The following MTFR1 variants were observed in gnomAD, a reference collection of about 807,000 sequenced individuals.
The protein encoded by MTFR1 is chondrocyte protein with a poly-proline region.
A neutral mutation model predicts 38.8 loss-of-function variants in MTFR1; 28 were observed. That is an observed-to-expected ratio of 0.72 (90% CI 0.53 to 0.99). MTFR1 has a LOEUF of 0.99. Ranked by LOEUF, MTFR1 falls within the 50% of genes least tolerant of loss-of-function variation. The pLI is 0.00. For synonymous variants in MTFR1, 145 were observed against 137.0 expected (o/e 1.06, Z -0.41); for missense variants, 358 against 395.5 (o/e 0.91, Z 0.81).
At chr8:65,694,732 A>G (rs1805382836) in intron 4 of MTFR1, among the ~76,000 whole-genome samples, 1 of 152,266 alleles carries the variant, frequency 6.6e-6, no homozygotes, top group African/African-American at 2.4e-5. Flanking sequence ...AAGTAATTAC[A>G]GATGGTCACT....
At chr8:65,691,983 G>T (rs1217011644) in intron 3 of MTFR1, among the ~76,000 whole-genome samples, 4 of 152,136 alleles carry the variant, frequency 2.6e-5, no homozygotes, top group African/African-American at 4.8e-5. Flanking sequence ...TATATTTTGT[G>T]TTTAAGGAAG....
chr8:65,651,812 C>A (rs558005250), intron 1 of MTFR1, among the ~76,000 whole-genome samples: 1 of 152,096 alleles, frequency 6.6e-6, no homozygotes, highest in East Asian at 1.9e-4. Flanking sequence ...TTTTCTATTT[C>A]TGTGAAGAAT....
the MTFR1 span, among the ~76,000 whole-genome samples, chr8:65,776,689 T>G: frequency 6.6e-6 from 1 of 152,340 alleles, no homozygotes; most frequent in East Asian, 1.9e-4. Context: ...TTATGTTAAT[T>G]TTGTCACTGT....
chr8:65,698,376 G>A (rs1805508441), intron 4 of MTFR1, among the ~76,000 whole-genome samples: 1 of 151,922 alleles, frequency 6.6e-6, no homozygotes, highest in South Asian at 2.1e-4. Context: ...CTGAGCTTAA[G>A]CGATCCGCCC....
intron 3 of MTFR1, among the ~76,000 whole-genome samples, chr8:65,688,565 C>T (rs1230685167): frequency 2.7e-5 from 4 of 149,930 alleles, no homozygotes; most frequent in Non-Finnish European, 5.9e-5. Context: ...TCTCCTGCCT[C>T]AGCCTCCTGA....
At chr8:65,681,508 T>C (rs1252388526) in intron 2 of MTFR1, among the ~76,000 whole-genome samples, 1 of 152,228 alleles carries the variant, frequency 6.6e-6, no homozygotes, top group Non-Finnish European at 1.5e-5. Context: ...TTTAATAGCA[T>C]ACTACCTTTC....
chr8:65,734,748 G>C (rs778819449), intron 3 of MTFR1: 1 of 1,068,214 alleles, frequency 9.4e-7, no homozygotes, highest in African/African-American at 1.6e-5. Flanking sequence ...TAAATCAAAA[G>C]GAATTTTCTT....
chr8:65,764,200 G>A (rs1358286857), intron 3 of MTFR1, among the ~76,000 whole-genome samples: 1 of 151,910 alleles, frequency 6.6e-6, no homozygotes, highest in Non-Finnish European at 1.5e-5. Flanking sequence ...AGGGACATGG[G>A]ATTATTGTTT....
chr8:65,683,638 G>A (rs1804976198), intron 3 of MTFR1, among the ~76,000 whole-genome samples: 1 of 152,128 alleles, frequency 6.6e-6, no homozygotes, highest in Admixed American at 6.5e-5. Context: ...AAATTCAGAA[G>A]TGCCCATGTG....
chr8:65,760,275 G>A (rs2128913837), intron 3 of MTFR1, among the ~76,000 whole-genome samples: 1 of 152,244 alleles, frequency 6.6e-6, no homozygotes, highest in South Asian at 2.1e-4. Flanking sequence ...ATCTTTTCAT[G>A]CCAATAAATA....
chr8:65,705,335 AAAAC>A (rs953856142), intron 5 of MTFR1, among the ~76,000 whole-genome samples: 5 of 152,094 alleles, frequency 3.3e-5, no homozygotes, highest in African/African-American at 1.2e-4. Context: ...AACTAAACAA[AAAAC>A]AAACAAAAAA....
intron 3 of MTFR1, among the ~76,000 whole-genome samples, chr8:65,692,892 CTTTT>C (rs569732080): frequency 1.5e-5 from 2 of 133,152 alleles, no homozygotes; most frequent in Admixed American, 7.6e-5. Flanking sequence ...TTTGCTTGTT[CTTTT>C]TTTTTTTTTT....
chr8:65,664,968 C>T (rs1313030534), intron 1 of MTFR1, among the ~76,000 whole-genome samples: 7 of 136,842 alleles, frequency 5.1e-5, no homozygotes, highest in Non-Finnish European at 7.6e-5. Flanking sequence ...CAGAGTCTTG[C>T]TCTGTCACCA....
chr8:65,730,197 T>TTTTTTTA (rs1806810961), intron 3 of MTFR1, among the ~76,000 whole-genome samples: 1 of 119,324 alleles, frequency 8.4e-6, no homozygotes, highest in Non-Finnish European at 1.7e-5. Context: ...TTTTTTTTTT[T>TTTTTTTA]GAGATGGAGT....
At chr8:65,774,230 C>T (rs892458071), downstream of MTFR1, among the ~76,000 whole-genome samples, 3 of 152,142 alleles carry the variant, frequency 2.0e-5, no homozygotes, top group Non-Finnish European at 4.4e-5. Flanking sequence ...CCCACTATCG[C>T]TGAAGTATTA....
downstream of MTFR1, among the ~76,000 whole-genome samples, chr8:65,711,852 C>T (rs1805956080): frequency 6.6e-6 from 1 of 152,172 alleles, no homozygotes; most frequent in Non-Finnish European, 1.5e-5. Context: ...TCTCCAGCCC[C>T]TTGTTAAGGT....
chr8:65,713,211 C>T (rs536097326), downstream of MTFR1, among the ~76,000 whole-genome samples: 10 of 152,246 alleles, frequency 6.6e-5, no homozygotes, highest in East Asian at 3.9e-4. Context: ...GAGGCTGAGG[C>T]GGGTGGATCA....
downstream of MTFR1, among the ~76,000 whole-genome samples, chr8:65,711,020 A>AAGAC (rs1236546951): frequency 6.6e-6 from 1 of 152,040 alleles, no homozygotes; most frequent in African/African-American, 2.4e-5. Flanking sequence ...GAGAGAATAC[A>AAGAC]AGACAGAATG....
intron 1 of MTFR1, among the ~76,000 whole-genome samples, chr8:65,645,872 C>A (rs992416752): frequency 3.3e-5 from 5 of 152,146 alleles, no homozygotes; most frequent in African/African-American, 1.2e-4. Flanking sequence ...TATATAATTT[C>A]AATTATTTTA....
Sources: allele counts gnomAD v4.1 joint callset (sites outside exome capture counted in the v4.1 genomes callset), GRCh38; gene constraint gnomAD v4.1.1; transcripts MANE v1.5; gene names NCBI Gene and HGNC (gene_info 2026-07-23, HGNC 2026-07-21).